The following CSMD1 variants were observed in gnomAD, a reference collection of about 807,000 sequenced individuals.
CSMD1 encodes the protein CUB and Sushi multiple domains 1, also known as CUB and sushi domain-containing protein 1.
CSMD1 carries 213 observed loss-of-function variants against 417.5 expected under a neutral mutation model. That is an observed-to-expected ratio of 0.51 (90% CI 0.46 to 0.57). The LOEUF is 0.57. Ranked by LOEUF, CSMD1 falls within the 20% of genes least tolerant of loss-of-function variation. CSMD1 has a pLI of 0.00. For missense variants in CSMD1, 6,923 were observed against 4,529.7 expected (o/e 1.53, Z -15.17); for synonymous variants, 2,862 against 1,736.8 (o/e 1.65, Z -16.11).
At chr8:4,262,719 C>T (rs999357995) in intron 3 of CSMD1, among the ~76,000 whole-genome samples, 3 of 152,286 alleles carry the variant, frequency 2.0e-5, no homozygotes, top group Admixed American at 1.3e-4. Context: ...GTCCCAAAAT[C>T]CACTTCCCTT....
chr8:3,179,152 A>T (rs139334284), intron 37 of CSMD1, among the ~76,000 whole-genome samples: 5 of 151,284 alleles, frequency 3.3e-5, no homozygotes, highest in Admixed American at 2.6e-4. Flanking sequence ...TCAACGTGTT[A>T]GCCAGGACTG....
chr8:3,550,806 G>A (rs542248898), intron 10 of CSMD1, among the ~76,000 whole-genome samples: 6 of 152,192 alleles, frequency 3.9e-5, no homozygotes, highest in East Asian at 1.9e-4. Context: ...CAGGCACCTC[G>A]TGAATACTTG....
intron 12 of CSMD1, among the ~76,000 whole-genome samples, chr8:3,456,582 C>G (rs911440199): frequency 2.0e-5 from 3 of 152,128 alleles, no homozygotes; most frequent in South Asian, 2.1e-4. Flanking sequence ...CCTACTATGC[C>G]AAAACCTAGT....
intron 1 of CSMD1, among the ~76,000 whole-genome samples, chr8:4,892,983 C>T (rs759735796): frequency 2.6e-5 from 4 of 152,014 alleles, no homozygotes; most frequent in Non-Finnish European, 5.9e-5. Flanking sequence ...CCAAGGAATA[C>T]GCTTGCACGG....
intron 7 of CSMD1, among the ~76,000 whole-genome samples, chr8:3,674,550 T>G (rs370227748): frequency 4.6e-5 from 7 of 152,058 alleles, no homozygotes; most frequent in Non-Finnish European, 1.0e-4. Flanking sequence ...AATTAAATGC[T>G]TACTATGTAT....
intron 7 of CSMD1, among the ~76,000 whole-genome samples, chr8:3,627,441 G>A (rs575958822): frequency 1.3e-5 from 2 of 152,040 alleles, no homozygotes; most frequent in Admixed American, 1.3e-4. Context: ...ACATTAACAT[G>A]CACTGAGAAG....
chr8:3,946,764 A>G (rs1327305335), intron 5 of CSMD1, among the ~76,000 whole-genome samples: 2 of 152,098 alleles, frequency 1.3e-5, no homozygotes, highest in African/African-American at 4.8e-5. Flanking sequence ...TTACAGTTTC[A>G]GCATGCAGTC....
intron 10 of CSMD1, among the ~76,000 whole-genome samples, chr8:3,495,842 G>C (rs1209512573): frequency 2.6e-5 from 4 of 152,112 alleles, no homozygotes; most frequent in Non-Finnish European, 5.9e-5. Context: ...CTTATGTCTT[G>C]CATGGACTCC....
chr8:4,924,206 T>G (rs1023057027), intron 1 of CSMD1, among the ~76,000 whole-genome samples: 23 of 152,272 alleles, frequency 1.5e-4, no homozygotes, highest in African/African-American at 5.5e-4. Context: ...AGGATCCACT[T>G]TGAGTTATGA....
intron 1 of CSMD1, among the ~76,000 whole-genome samples, chr8:4,991,060 TG>T (rs557229433): frequency 1.1e-4 from 16 of 152,178 alleles, no homozygotes; most frequent in Admixed American, 5.2e-4. Context: ...GGACGCTTTC[TG>T]GGTAAGTAAT....
intron 1 of CSMD1, among the ~76,000 whole-genome samples, chr8:4,721,998 G>A: frequency 6.6e-6 from 1 of 152,122 alleles, no homozygotes; most frequent in African/African-American, 2.4e-5. Context: ...GAAGAACGAT[G>A]GTTATTGGAG....
intron 7 of CSMD1, among the ~76,000 whole-genome samples, chr8:3,696,457 T>A (rs1800558941): frequency 6.6e-6 from 1 of 152,218 alleles, no homozygotes; most frequent in Non-Finnish European, 1.5e-5. Context: ...ACATCTCTTC[T>A]CTGTGAATAT....
intron 7 of CSMD1, among the ~76,000 whole-genome samples, chr8:3,628,918 G>C (rs1007385479): frequency 6.6e-6 from 1 of 151,834 alleles, no homozygotes; most frequent in South Asian, 2.1e-4. Flanking sequence ...AAAAATAAGA[G>C]AAGGAATAAA....
chr8:3,041,136 A>C (rs547825543), intron 50 of CSMD1, among the ~76,000 whole-genome samples: 5 of 152,322 alleles, frequency 3.3e-5, no homozygotes, highest in African/African-American at 1.2e-4. Context: ...GACAATTTTG[A>C]ATTACATGAA....
chr8:3,446,386 A>G (rs1046407193), intron 12 of CSMD1, among the ~76,000 whole-genome samples: 3 of 152,250 alleles, frequency 2.0e-5, no homozygotes, highest in South Asian at 2.1e-4. Flanking sequence ...TATGGCTTTC[A>G]ACTGAGGATC....
At chr8:2,986,187 G>T (rs1011107646) in intron 54 of CSMD1, among the ~76,000 whole-genome samples, 4 of 152,150 alleles carry the variant, frequency 2.6e-5, no homozygotes, top group African/African-American at 9.7e-5. Flanking sequence ...TGACTTTCCT[G>T]CGATAATATA....
intron 1 of CSMD1, among the ~76,000 whole-genome samples, chr8:4,696,143 G>A (rs555267004): frequency 3.9e-5 from 6 of 152,240 alleles, no homozygotes; most frequent in Admixed American, 6.5e-5. Flanking sequence ...AACAGTTTTT[G>A]TTACATGAAA....
chr8:4,223,139 G>A (rs1296049858), intron 3 of CSMD1, among the ~76,000 whole-genome samples: 1 of 152,006 alleles, frequency 6.6e-6, no homozygotes, highest in Non-Finnish European at 1.5e-5. Context: ...AAGACCTTGG[G>A]GAAAGGAGGG....
intron 3 of CSMD1, among the ~76,000 whole-genome samples, chr8:4,045,654 T>G (rs923746436): frequency 6.6e-6 from 1 of 152,186 alleles, no homozygotes; most frequent in Non-Finnish European, 1.5e-5. Flanking sequence ...ACAAGATGGA[T>G]TGTAGTAGAA....
Sources: gnomAD v4.1 joint callset for allele counts (sites outside exome capture counted in the v4.1 genomes callset) on GRCh38, gnomAD v4.1.1 for gene constraint, MANE v1.5 for transcripts, NCBI Gene and HGNC (gene_info 2026-07-23, HGNC 2026-07-21) for gene names.